UBE2W: variants seen among roughly 807,000 people sequenced by gnomAD.
UBE2W encodes the protein ubiquitin-conjugating enzyme E2 W.
A neutral mutation model predicts 27.2 loss-of-function variants in UBE2W; 18 were observed. The ratio of observed to expected loss-of-function variants is 0.66; its 90% CI spans 0.46 to 0.98. The LOEUF is 0.98. UBE2W is among the 50% of genes least tolerant of loss of function. The pLI, the probability that UBE2W is intolerant of heterozygous loss-of-function variation, is 0.00. For synonymous variants in UBE2W, 53 were observed against 57.2 expected (o/e 0.93, Z 0.33); for missense variants, 90 against 180.2 (o/e 0.50, Z 2.87).
Position 73,791,670 on chromosome 8 carries a change from T to C in UBE2W, c.*2432A>G, listed in dbSNP as rs1808207561. The C allele has an allele frequency of 1.0e-6, 1 of 984,976 alleles. No individual in the cohort carries two copies. The highest frequency in any genetic ancestry group is 1.2e-6 in the Non-Finnish European group (1 of 829,658). 61.0% of individuals were successfully genotyped at this position (984,976 alleles called of 1,614,324 possible). ...AACTAACATATAAATTAAATCTAAG[T>C]GCAAGGAGTTTTCAATGATTCCTAA... is the stretch of plus-strand genomic sequence containing the variant. On this transcript the variant is annotated 3_prime_UTR_variant, in exon 6 of 6. Coordinates refer to ENST00000602593, the MANE Select transcript of UBE2W (RefSeq NM_018299.6).
rs1808184190 is a variant in UBE2W, at chr8:73,791,332, T to C, written c.*2770A>G. On this transcript the variant is annotated 3_prime_UTR_variant, in exon 6 of 6. Transcript: ENST00000602593. ...GCATGCATAAATAAGGAAGCAAATG[T>C]ATCACTGTCTTAATAGAATTTGGCA... 1 of 981,634 alleles carries C rather than the reference T, an allele frequency of 1.0e-6. No homozygotes were observed. The highest frequency in any genetic ancestry group is 1.2e-6 in the Non-Finnish European group (1 of 829,232). 60.8% of individuals were successfully genotyped at this position (981,634 alleles called of 1,614,324 possible).
At chr8:73,827,459 C>T (rs1403831084) in intron 2 of UBE2W, among the ~76,000 whole-genome samples, 1 of 152,134 alleles carries the variant, frequency 6.6e-6, no homozygotes, top group African/African-American at 2.4e-5. Context: ...GGTGATCTGC[C>T]CGCCTCGGCG....
At chr8:73,808,571 T>C (rs940880099) in intron 4 of UBE2W, among the ~76,000 whole-genome samples, 7 of 152,230 alleles carry the variant, frequency 4.6e-5, no homozygotes, top group South Asian at 4.1e-4. Context: ...CTTAGATCTC[T>C]CTAATGCCAG....
intron 1 of UBE2W, among the ~76,000 whole-genome samples, chr8:73,847,539 T>C (rs949026667): frequency 5.9e-5 from 9 of 152,134 alleles, no homozygotes; most frequent in Non-Finnish European, 8.8e-5. Context: ...AGGAGGATGT[T>C]TGTAGCAGCA....
At position 73,869,253 on chromosome 8, in the gene UBE2W, G is replaced by C. The variant is rs138435967; in HGVS notation, c.15+9555C>G. 2.6e-3 allele frequency among the ~76,000 whole-genome samples: 400 copies of C among 152,274 alleles called. 1 individual carries two copies. The highest frequency in any genetic ancestry group is 9.3e-3 in the African/African-American group (388 of 41,554). On this transcript the variant is annotated intron_variant, in intron 1 of 5. Transcript: ENST00000602593. ...TCAGCCTCGGCAACACAGTGAATCTGTCTATATAAAAGCTTTTTTTAAGGC... is the reference window on the plus strand; with the variant it reads ...TCAGCCTCGGCAACACAGTGAATCTCTCTATATAAAAGCTTTTTTTAAGGC...
chr8:73,847,088 G>A (rs1453898459), intron 1 of UBE2W, among the ~76,000 whole-genome samples: 4 of 152,170 alleles, frequency 2.6e-5, no homozygotes, highest in Admixed American at 2.0e-4. Context: ...AGAATTGCTC[G>A]AACCAGGGAA....
Position 73,839,802 on chromosome 8 carries a change from T to A in UBE2W, c.16-9330A>T, listed in dbSNP as rs192475455. Among the ~76,000 whole-genome samples the A allele has an allele frequency of 2.9e-4, 43 of 147,700 alleles. No homozygotes were observed. The East Asian group carries it at 8.7e-3, about 30-fold the overall frequency. ...GGATGGAGTACAGTGGTGCAATCTCTGCTCACTCAGCCTCTACTTCCCGGG... is the reference window on the plus strand; with the variant it reads ...GGATGGAGTACAGTGGTGCAATCTCAGCTCACTCAGCCTCTACTTCCCGGG... On this transcript the variant is annotated intron_variant, in intron 1 of 5. Coordinates refer to ENST00000602593, the MANE Select transcript of UBE2W (RefSeq NM_018299.6).
chr8:73,801,549 G>C (rs183701107), intron 5 of UBE2W, among the ~76,000 whole-genome samples: 2 of 152,274 alleles, frequency 1.3e-5, no homozygotes, highest in Admixed American at 6.5e-5. Context: ...AGAATTACTA[G>C]AGTCTTAAAA....
At chr8:73,857,771 G>A (rs189735277) in intron 1 of UBE2W, among the ~76,000 whole-genome samples, 8 of 151,920 alleles carry the variant, frequency 5.3e-5, no homozygotes, top group Admixed American at 2.0e-4. Context: ...AGCCGAAATC[G>A]CGCCACTGCA....
intron 1 of UBE2W, among the ~76,000 whole-genome samples, chr8:73,850,148 C>A (rs1811010635): frequency 6.6e-6 from 1 of 152,074 alleles, no homozygotes; most frequent in Non-Finnish European, 1.5e-5. Context: ...ATAGAAGAGC[C>A]ACAAATGCCC....
intron 3 of UBE2W, among the ~76,000 whole-genome samples, chr8:73,817,009 G>T (rs1329615046): frequency 6.6e-6 from 1 of 152,012 alleles, no homozygotes; most frequent in Non-Finnish European, 1.5e-5. Flanking sequence ...ACTCCAGCCT[G>T]GGCAACAGAG....
In UBE2W at chr8:73,805,472, C is replaced by CAAAAA; in HGVS notation, c.442+174_442+178dup. 5.7e-4 allele frequency among the ~76,000 whole-genome samples: 25 copies of CAAAAA among 43,688 alleles called. 1 individual carries two copies. Among genetic ancestry groups the CAAAAA allele is most frequent in the East Asian group, 3.3e-3 (3 of 912 alleles). The allele number at this position is 43,688 out of a possible 152,430, so 28.7% of individuals were successfully genotyped here. On this transcript the variant is annotated intron_variant, in intron 5 of 5. Transcript: ENST00000602593. Reference sequence around the variant, plus strand: ...TCCATCTCAAAAAAAAAAAAAAAAACAAAAAAAACTAGGGTAATTCATCCA... The same window carrying CAAAAA: ...TCCATCTCAAAAAAAAAAAAAAAAACAAAAAAAAAAAAACTAGGGTAATTCATCCA...
At chr8:73,801,494 A>G (rs1808642117) in intron 5 of UBE2W, among the ~76,000 whole-genome samples, 6 of 152,244 alleles carry the variant, frequency 3.9e-5, no homozygotes, top group Middle Eastern at 3.2e-3. Context: ...ACTTGTAAAA[A>G]AGAAGAATCT....
intron 1 of UBE2W, 96 bp from the exon 2 acceptor site, chr8:73,830,568 C>T (rs1810028477): frequency 1.1e-6 from 1 of 886,760 alleles, no homozygotes; most frequent in Non-Finnish European, 1.8e-6. Context: ...TCACCACATC[C>T]TCAAACTCCT....
At chr8:73,805,771 G>T in intron 4 of UBE2W, 45 bp from the exon 5 acceptor site, 1 of 1,169,196 alleles carries the variant, frequency 8.6e-7, no homozygotes, top group Non-Finnish European at 1.2e-6. Context: ...CAGAAAAACT[G>T]AGAGGGTGAC....
chr8:73,805,818 C>A (rs1808879397), intron 4 of UBE2W, 92 bp from the exon 5 acceptor site: 5 of 638,976 alleles, frequency 7.8e-6, no homozygotes, highest in South Asian at 2.8e-5. Context: ...TAACAGAATG[C>A]ATAAAAAACA....
In UBE2W at chr8:73,800,874, C is replaced by T. The variant is rs568609569; in HGVS notation, c.442+4777G>A. 2.7e-3 allele frequency among the ~76,000 whole-genome samples: 405 copies of T among 152,250 alleles called. 1 individual carries two copies. Among genetic ancestry groups the T allele is most frequent in the African/African-American group, 9.5e-3 (393 of 41,558 alleles). On this transcript the variant is annotated intron_variant, in intron 5 of 5. Coordinates refer to ENST00000602593, the MANE Select transcript of UBE2W (RefSeq NM_018299.6). The stretch of plus-strand genomic sequence containing the variant: ...TTTGGGAGGCCGAGGGGGCAGATCA[C>T]CTGAGGTTGGGAGTTCAAGACCAGC...
chr8:73,850,725 T>TAAAAAAAAAAA (rs11318665), intron 1 of UBE2W, among the ~76,000 whole-genome samples: 1 of 63,590 alleles, frequency 1.6e-5, no homozygotes, highest in Non-Finnish European at 2.9e-5. Context: ...AGCAGGACAT[T>TAAAAAAAAAAA]AAAAAAAAAA....
At chr8:73,848,611 G>C (rs1810916896) in intron 1 of UBE2W, among the ~76,000 whole-genome samples, 1 of 152,196 alleles carries the variant, frequency 6.6e-6, no homozygotes, top group Non-Finnish European at 1.5e-5. Flanking sequence ...AGGAACACCT[G>C]AGCCTAGGAA....
Sources: allele counts gnomAD v4.1 joint callset (sites outside exome capture counted in the v4.1 genomes callset), GRCh38; gene constraint gnomAD v4.1.1; transcripts MANE v1.5; gene names NCBI Gene and HGNC (gene_info 2026-07-23, HGNC 2026-07-21).